ZFHX3: variants seen among roughly 807,000 people sequenced by gnomAD.
ZFHX3 encodes the protein zinc finger homeobox 3.
ZFHX3 carries 42 observed loss-of-function variants against 279.1 expected under a neutral mutation model. The ratio of observed to expected loss-of-function variants is 0.15; its 90% CI spans 0.12 to 0.19. The LOEUF is 0.19. Ranked by LOEUF, ZFHX3 falls within the 10% of genes least tolerant of loss-of-function variation. The pLI, the probability that ZFHX3 is intolerant of heterozygous loss-of-function variation, is 1.00. For missense variants in ZFHX3, 4,981 were observed against 4,754.0 expected, an observed-to-expected ratio of 1.05 and a Z score of -1.40; for synonymous variants, 2,293 against 1,957.8, an observed-to-expected ratio of 1.17 and a Z score of -4.52.
At chr16:73,538,192 T>C (rs1357086781) in intron 2 of ZFHX3, among the ~76,000 whole-genome samples, 1 of 151,226 alleles carries the variant, frequency 6.6e-6, no homozygotes, top group Non-Finnish European at 1.5e-5. Context: ...TATATCATTG[T>C]GTGTGTGTTT....
At chr16:73,832,736 T>G (rs1961031856) in intron 1 of ZFHX3, among the ~76,000 whole-genome samples, 2 of 152,176 alleles carry the variant, frequency 1.3e-5, no homozygotes, top group African/African-American at 4.8e-5. Context: ...AAGGTTTTAT[T>G]CAGTGTTTTT....
chr16:73,791,675 G>A (rs1324968106), intron 1 of ZFHX3, among the ~76,000 whole-genome samples: 2 of 148,686 alleles, frequency 1.3e-5, no homozygotes, highest in Admixed American at 6.7e-5. Context: ...CGTCCACCTC[G>A]GCCTCCCAAA....
chr16:72,927,742 C>G (rs1257401699), intron 3 of ZFHX3, among the ~76,000 whole-genome samples: 2 of 152,080 alleles, frequency 1.3e-5, no homozygotes, highest in South Asian at 2.1e-4. Flanking sequence ...ATTGTGCTCC[C>G]TCCAGCGCGC....
chr16:73,495,647 C>T (rs756742786), intron 2 of ZFHX3, among the ~76,000 whole-genome samples: 2 of 152,190 alleles, frequency 1.3e-5, no homozygotes, highest in Non-Finnish European at 2.9e-5. Context: ...CCCTAACATC[C>T]CTCTGGAAAT....
Position 72,795,759 on chromosome 16 carries a change from T to C in ZFHX3, c.6923A>G (p.Lys2308Arg). ...RKNYENQGEG[K>R]DGERRELTND... Reference sequence around the variant, plus strand: ...TGTAAGCTCACGCCGCTCTCCATCTTTGCCCTCTCCCTGATTCTCATAATT... The same window carrying C: ...TGTAAGCTCACGCCGCTCTCCATCTCTGCCCTCTCCCTGATTCTCATAATT... Residue 2308 changes from lysine to arginine, a missense_variant, in exon 9 of 10, where the codon AAA becomes AGA. By Grantham distance (26) the Lys-to-Arg change is conservative. This residue lies in a region of ZFHX3 where 177 missense variants were observed against 244.2 expected (regional missense o/e 0.72). Coordinates refer to ENST00000268489, the MANE Select transcript of ZFHX3 (RefSeq NM_006885.4). 3.1e-6 allele frequency: 5 copies of C among 1,614,202 alleles called. No homozygotes were observed. The highest frequency in any genetic ancestry group is 4.2e-6 in the Non-Finnish European group (5 of 1,180,036).
At chr16:73,489,405 T>C (rs2019023427) in intron 2 of ZFHX3, among the ~76,000 whole-genome samples, 2 of 152,208 alleles carry the variant, frequency 1.3e-5, no homozygotes, top group South Asian at 2.1e-4. Flanking sequence ...AATGATTCCA[T>C]AGCTTCTCTA....
intron 3 of ZFHX3, among the ~76,000 whole-genome samples, chr16:73,394,208 G>A (rs908332694): frequency 6.7e-6 from 1 of 149,236 alleles, no homozygotes; most frequent in Non-Finnish European, 1.5e-5. Context: ...GGCAGGTTAA[G>A]AGCGTTTCCA....
At chr16:72,927,931 G>C (rs1959548045) in intron 3 of ZFHX3, among the ~76,000 whole-genome samples, 1 of 150,760 alleles carries the variant, frequency 6.6e-6, no homozygotes, top group Admixed American at 6.6e-5. Flanking sequence ...AGGTGGGGAG[G>C]ACTAAGACTC....
chr16:73,627,580 T>C (rs1197107696), intron 2 of ZFHX3, among the ~76,000 whole-genome samples: 2 of 152,194 alleles, frequency 1.3e-5, no homozygotes, highest in East Asian at 3.9e-4. Flanking sequence ...AATCTATTTG[T>C]TCATATTAAT....
intron 3 of ZFHX3, among the ~76,000 whole-genome samples, chr16:73,387,642 G>C (rs1046479497): frequency 8.6e-5 from 13 of 151,874 alleles, no homozygotes; most frequent in Non-Finnish European, 1.5e-5. Flanking sequence ...CTTTAAATCT[G>C]AGAAAATTTT....
chr16:73,309,818 G>A (rs1258871861), intron 4 of ZFHX3, among the ~76,000 whole-genome samples: 1 of 151,742 alleles, frequency 6.6e-6, no homozygotes, highest in Non-Finnish European at 1.5e-5. Context: ...AGTAGTCTGA[G>A]ACCTGTGAGG....
At chr16:73,130,505 T>C (rs893810013) in intron 7 of ZFHX3, among the ~76,000 whole-genome samples, 1 of 152,246 alleles carries the variant, frequency 6.6e-6, no homozygotes, top group African/African-American at 2.4e-5. Flanking sequence ...AGAGTGACAC[T>C]GGCGTGGAGC....
At chr16:73,592,293 G>A (rs1390385893) in intron 2 of ZFHX3, among the ~76,000 whole-genome samples, 1 of 152,080 alleles carries the variant, frequency 6.6e-6, no homozygotes, top group East Asian at 1.9e-4. Flanking sequence ...CGCTTTTGCA[G>A]AGATACTCAG....
Position 72,785,659 on chromosome 16 carries a change from A to AAAAAC in ZFHX3, c.*1500_*1504dup, listed in dbSNP as rs975558825. ...ATTTTTTTTTCTGAGAGAGGAAAGA[A>AAAAAC]AAAACAAACACAAAACCAAAAACCA... On this transcript the variant is annotated 3_prime_UTR_variant, in exon 10 of 10. Transcript: ENST00000268489. 6.6e-6 allele frequency: 1 copy of AAAAAC among 152,256 alleles called. No individual in the cohort carries two copies. The highest frequency in any genetic ancestry group is 1.5e-5 in the Non-Finnish European group (1 of 68,030). 9.4% of individuals were successfully genotyped at this position (152,256 alleles called of 1,614,324 possible).
intron 5 of ZFHX3, among the ~76,000 whole-genome samples, chr16:72,827,675 G>A (rs1038862600): frequency 6.6e-6 from 1 of 152,210 alleles, no homozygotes. Flanking sequence ...AGCCCCACAG[G>A]AGGATACGTC....
intron 4 of ZFHX3, among the ~76,000 whole-genome samples, chr16:72,887,657 T>G (rs1292561774): frequency 3.7e-5 from 5 of 133,452 alleles, no homozygotes; most frequent in African/African-American, 1.4e-4. Flanking sequence ...GGGGGTACAG[T>G]GTCTATGTGT....
intron 1 of ZFHX3, among the ~76,000 whole-genome samples, chr16:73,745,911 G>A (rs1249997377): frequency 6.6e-6 from 1 of 152,138 alleles, no homozygotes; most frequent in Non-Finnish European, 1.5e-5. Context: ...TAGTTGAAAT[G>A]TGTTTATGGC....
At chr16:73,414,460 C>T (rs937316427) in intron 3 of ZFHX3, among the ~76,000 whole-genome samples, 1 of 152,250 alleles carries the variant, frequency 6.6e-6, no homozygotes, top group African/African-American at 2.4e-5. Flanking sequence ...ACAAATTGGC[C>T]ACTCGTTCTC....
At position 73,784,786 on chromosome 16, in the gene ZFHX3, T is replaced by TAA. The variant is rs66537411; in HGVS notation, c.-1607-104548_-1607-104547dup. Among the ~76,000 whole-genome samples, 624 of 133,792 alleles carry TAA rather than the reference T, an allele frequency of 4.7e-3. 2 individuals carry two copies. Among genetic ancestry groups the TAA allele is most frequent in the African/African-American group, 0.013 (440 of 33,928 alleles). The allele number at this position is 133,792 out of a possible 152,430, so 87.8% of individuals were successfully genotyped here. On this transcript the variant is annotated intron_variant, in intron 1 of 17. Transcript: ENST00000641206. ...TTTTAAAAAACTATTTTTAACAAAA[T>TAA]AAAAAAAAAAATATATATATATATA...
Sources: gnomAD v4.1 joint callset for allele counts (sites outside exome capture counted in the v4.1 genomes callset) on GRCh38, gnomAD v4.1.1 for gene constraint, gnomAD v4.1.1 regional missense constraint, MANE v1.5 for transcripts, NCBI Gene and HGNC (gene_info 2026-07-23, HGNC 2026-07-21) for gene names.